TGFB2: variants seen among roughly 807,000 people sequenced by gnomAD.
TGFB2 encodes transforming growth factor beta 2, also known as transforming growth factor beta-2 proprotein.
Under a neutral mutation model 42.7 loss-of-function variants are expected in TGFB2, and 13 were observed. The ratio of observed to expected loss-of-function variants is 0.30; its 90% CI spans 0.20 to 0.48. TGFB2 has a LOEUF of 0.48. Ranked by LOEUF, TGFB2 falls within the 20% of genes least tolerant of loss-of-function variation. The pLI, the probability that TGFB2 is intolerant of heterozygous loss-of-function variation, is 0.99. For missense variants in TGFB2, 390 were observed against 517.5 expected (o/e 0.75, Z 2.39); for synonymous variants, 193 against 193.6 (o/e 1.00, Z 0.03).
intron 1 of TGFB2, among the ~76,000 whole-genome samples, chr1:218,399,641 G>A (rs1658645992): frequency 6.6e-6 from 1 of 152,154 alleles, no homozygotes; most frequent in South Asian, 2.1e-4. Flanking sequence ...AAGGATAGTG[G>A]TGGGGAGTCT....
chr1:218,370,572 T>C (rs573548977), intron 1 of TGFB2, among the ~76,000 whole-genome samples: 1 of 152,344 alleles, frequency 6.6e-6, no homozygotes, highest in South Asian at 2.1e-4. Context: ...TGATATAGTA[T>C]ACTGGGACTC....
intron 2 of TGFB2, among the ~76,000 whole-genome samples, chr1:218,429,191 G>A (rs1455662367): frequency 2.6e-5 from 4 of 152,052 alleles, no homozygotes; most frequent in Non-Finnish European, 5.9e-5. Flanking sequence ...ATGTTGGCCA[G>A]GCTGGTCTCA....
intron 2 of TGFB2, among the ~76,000 whole-genome samples, chr1:218,420,137 C>T (rs1372818352): frequency 6.6e-6 from 1 of 152,134 alleles, no homozygotes; most frequent in Non-Finnish European, 1.5e-5. Context: ...GAAGATATGG[C>T]TCCAGAGAGC....
intron 2 of TGFB2, among the ~76,000 whole-genome samples, chr1:218,432,319 G>T (rs926042292): frequency 6.6e-6 from 1 of 152,166 alleles, no homozygotes; most frequent in African/African-American, 2.4e-5. Flanking sequence ...AATTCGCAAA[G>T]AACATTTCTT....
intron 1 of TGFB2, among the ~76,000 whole-genome samples, chr1:218,379,067 T>C (rs914957480): frequency 6.6e-6 from 1 of 151,886 alleles, no homozygotes; most frequent in African/African-American, 2.4e-5. Flanking sequence ...AAATCTGGTC[T>C]CATTAGTACC....
rs1046582721 is a variant in TGFB2 at position 218,378,152 on chromosome 1, T to G, written c.347-27017T>G. Among the ~76,000 whole-genome samples the G allele has an allele frequency of 2.5e-3, 36 of 14,630 alleles. 3 individuals are homozygous for G. The highest frequency in any genetic ancestry group is 0.024 in the East Asian group (33 of 1,384). The allele number at this position is 14,630 out of a possible 152,430, so 9.6% of individuals were successfully genotyped here. A position where few individuals can be genotyped will look rare whatever the true frequency, so the allele number is the denominator to read the frequency against. On this transcript the variant is annotated intron_variant, in intron 1 of 6. Transcript: ENST00000366930. ...CACTATGCCTGGCTAATTTTGGATT[T>G]ATTTATTTATTTATTTATTTATTTA...
At chr1:218,402,022 C>G (rs1658738894) in intron 1 of TGFB2, among the ~76,000 whole-genome samples, 1 of 152,348 alleles carries the variant, frequency 6.6e-6, no homozygotes, top group Middle Eastern at 3.4e-3. Flanking sequence ...GAGCAGATGA[C>G]AGCACAGGAC....
intron 2 of TGFB2, among the ~76,000 whole-genome samples, chr1:218,419,931 T>G (rs1659399789): frequency 6.6e-6 from 1 of 152,218 alleles, no homozygotes; most frequent in African/African-American, 2.4e-5. Flanking sequence ...AAACAAGCTC[T>G]TTATTTATTT....
At chr1:218,356,152 TTTG>T (rs1382792833) in intron 1 of TGFB2, among the ~76,000 whole-genome samples, 1 of 152,188 alleles carries the variant, frequency 6.6e-6, no homozygotes, top group Non-Finnish European at 1.5e-5. Context: ...TCAAAATTTT[TTTG>T]TTTTTATTTT....
In TGFB2 at chr1:218,444,513, C is replaced by G. The variant is rs879858632; in HGVS notation, c.*3151C>G. Reference sequence around the variant, plus strand: ...CTGCACCACAAACAAAAAAACCCACCCTATTTCCTCCAATTTTTTTGGCTG... The same window carrying G: ...CTGCACCACAAACAAAAAAACCCACGCTATTTCCTCCAATTTTTTTGGCTG... On this transcript the variant is annotated 3_prime_UTR_variant, in exon 7 of 7. Coordinates refer to ENST00000366930, the MANE Select transcript of TGFB2 (RefSeq NM_003238.6). 3 of 152,124 alleles carry G rather than the reference C, an allele frequency of 2.0e-5. No homozygotes were observed. The highest frequency in any genetic ancestry group is 4.4e-5 in the Non-Finnish European group (3 of 68,024). 9.4% of individuals were successfully genotyped at this position (152,124 alleles called of 1,614,324 possible). A position where few individuals can be genotyped will look rare whatever the true frequency, so the allele number is the denominator to read the frequency against.
At chr1:218,348,543 G>T (rs1656767509) in intron 1 of TGFB2, among the ~76,000 whole-genome samples, 1 of 152,200 alleles carries the variant, frequency 6.6e-6, no homozygotes, top group Non-Finnish European at 1.5e-5. Flanking sequence ...CAGATGCAGA[G>T]AATTCTGGCA....
At chr1:218,423,201 T>C (rs1659512653) in intron 2 of TGFB2, among the ~76,000 whole-genome samples, 1 of 152,152 alleles carries the variant, frequency 6.6e-6, no homozygotes, top group African/African-American at 2.4e-5. Flanking sequence ...GTCAGATTTC[T>C]CCAAAATTAA....
intron 1 of TGFB2, among the ~76,000 whole-genome samples, chr1:218,392,970 C>G (rs750225255): frequency 5.3e-5 from 8 of 152,188 alleles, no homozygotes; most frequent in Admixed American, 1.3e-4. Context: ...TTAGGCAATT[C>G]CCTTACAGAA....
chr1:218,431,739 A>G (rs1659813043), intron 2 of TGFB2, among the ~76,000 whole-genome samples: 1 of 152,226 alleles, frequency 6.6e-6, no homozygotes, highest in Admixed American at 6.5e-5. Context: ...TGTGAATGTT[A>G]CCAGTTTTTA....
intron 2 of TGFB2, among the ~76,000 whole-genome samples, chr1:218,408,365 C>T (rs973624470): frequency 6.6e-6 from 1 of 152,124 alleles, no homozygotes; most frequent in Non-Finnish European, 1.5e-5. Context: ...CTCCATGACG[C>T]AAGTGACATG....
At chr1:218,367,927 T>C (rs1017759146) in intron 1 of TGFB2, among the ~76,000 whole-genome samples, 5 of 151,668 alleles carry the variant, frequency 3.3e-5, no homozygotes, top group African/African-American at 1.2e-4. Flanking sequence ...CTCAGCCTCC[T>C]GAGTAGCTGG....
intron 1 of TGFB2, among the ~76,000 whole-genome samples, chr1:218,355,963 G>A (rs541947357): frequency 6.6e-6 from 1 of 152,286 alleles, no homozygotes; most frequent in East Asian, 1.9e-4. Context: ...AAGAATAGCG[G>A]TCTATGTGCA....
At chr1:218,438,260 T>C (rs1169608370) in intron 6 of TGFB2, among the ~76,000 whole-genome samples, 2 of 152,096 alleles carry the variant, frequency 1.3e-5, no homozygotes, top group Non-Finnish European at 2.9e-5. Flanking sequence ...CATAGTATCA[T>C]ATATAGATAA....
chr1:218,427,012 G>A lies in TGFB2; in HGVS notation c.511-7070G>A, dbSNP rs1288956605. Among the ~76,000 whole-genome samples, 2 of 152,052 alleles carry A rather than the reference G, an allele frequency of 1.3e-5. 1 individual carries two copies. The highest frequency in any genetic ancestry group is 4.8e-5 in the African/African-American group (2 of 41,386). The stretch of plus-strand genomic sequence containing the variant: ...AGAGATGTTTAAGGACAATTGCTGA[G>A]CAACCTGAGTGTAGGATTCTTCTAA... On this transcript the variant is annotated intron_variant, in intron 2 of 6. Coordinates refer to ENST00000366930, the MANE Select transcript of TGFB2 (RefSeq NM_003238.6).
Sources: gnomAD v4.1 joint callset for allele counts (sites outside exome capture counted in the v4.1 genomes callset) on GRCh38, gnomAD v4.1.1 for gene constraint, MANE v1.5 for transcripts, NCBI Gene and HGNC (gene_info 2026-07-23, HGNC 2026-07-21) for gene names.